The following MAN2A1 variants were observed in gnomAD, a reference collection of about 807,000 sequenced individuals.
MAN2A1 encodes alpha-mannosidase 2.
MAN2A1 carries 76 observed loss-of-function variants against 142.6 expected under a neutral mutation model. The ratio of observed to expected loss-of-function variants is 0.53; its 90% CI spans 0.44 to 0.65. The LOEUF (loss-of-function observed/expected upper bound fraction) is 0.65. MAN2A1 is among the 30% of genes least tolerant of loss of function. MAN2A1 has a pLI of 0.00. For synonymous variants in MAN2A1, 559 were observed against 473.2 expected, an observed-to-expected ratio of 1.18 and a Z score of -2.35; for missense variants, 1,311 against 1,365.1, an observed-to-expected ratio of 0.96 and a Z score of 0.62.
At chr5:109,820,606 C>T (rs1326415589) in intron 15 of MAN2A1, among the ~76,000 whole-genome samples, 1 of 152,038 alleles carries the variant, frequency 6.6e-6, no homozygotes, top group Non-Finnish European at 1.5e-5. Context: ...CTCAGGAGTT[C>T]AAGACCAGCC....
chr5:109,869,023 T>C lies in MAN2A1; in HGVS notation c.*2025T>C, dbSNP rs1561550498. 6.6e-6 allele frequency: 1 copy of C among 152,234 alleles called. No homozygotes were observed. 9.4% of individuals were successfully genotyped at this position (152,234 alleles called of 1,614,324 possible). Reference sequence around the variant, plus strand: ...TCTGTCCCATGTCAGTCTGGGGTTTTATTCAGCTTGTGTTGCTACCAGCAG... The same window carrying C: ...TCTGTCCCATGTCAGTCTGGGGTTTCATTCAGCTTGTGTTGCTACCAGCAG... On this transcript the variant is annotated 3_prime_UTR_variant, in exon 22 of 22. Transcript: ENST00000261483.
chr5:109,739,093 C>T (rs1752192622), intron 4 of MAN2A1, among the ~76,000 whole-genome samples: 1 of 152,158 alleles, frequency 6.6e-6, no homozygotes, highest in African/African-American at 2.4e-5. Flanking sequence ...CCACCTGCCT[C>T]AGCCTCCCAA....
chr5:109,692,285 A>G (rs1444171382), intron 1 of MAN2A1, among the ~76,000 whole-genome samples: 4 of 152,174 alleles, frequency 2.6e-5, no homozygotes, highest in South Asian at 2.1e-4. Flanking sequence ...ATTTGATGAA[A>G]GGTCAAAGTG....
intron 1 of MAN2A1, among the ~76,000 whole-genome samples, chr5:109,707,933 A>G (rs1363529014): frequency 6.6e-6 from 1 of 152,192 alleles, no homozygotes; most frequent in Non-Finnish European, 1.5e-5. Context: ...TTGAGGCATC[A>G]GGCAGGTATT....
At chr5:109,816,680 T>A (rs951419567) in intron 12 of MAN2A1, among the ~76,000 whole-genome samples, 29 of 152,222 alleles carry the variant, frequency 1.9e-4, no homozygotes, top group Non-Finnish European at 2.8e-4. Flanking sequence ...GAATTTTTTT[T>A]ATTCTGTGAG....
At chr5:109,829,494 C>T (rs949374420) in intron 16 of MAN2A1, among the ~76,000 whole-genome samples, 7 of 152,226 alleles carry the variant, frequency 4.6e-5, no homozygotes, top group African/African-American at 1.7e-4. Context: ...ATGCCTTGAG[C>T]ATCCCAAAAA....
chr5:109,836,737 T>C lies in MAN2A1; in HGVS notation c.2567-5591T>C, dbSNP rs556914411. Among the ~76,000 whole-genome samples the C allele has an allele frequency of 2.6e-5, 4 of 152,280 alleles. No homozygotes were observed. The East Asian group carries it at 7.7e-4, about 29-fold the overall frequency. On this transcript the variant is annotated intron_variant, in intron 16 of 21. Coordinates refer to ENST00000261483, the MANE Select transcript of MAN2A1 (RefSeq NM_002372.4). The stretch of plus-strand genomic sequence containing the variant: ...ATTTTACAAATACAGGTATAAATAA[T>C]ATATATGTGTACTCTTCTGACTTCA...
At chr5:109,783,482 A>T (rs572780485) in intron 9 of MAN2A1, among the ~76,000 whole-genome samples, 1 of 152,316 alleles carries the variant, frequency 6.6e-6, no homozygotes, top group South Asian at 2.1e-4. Flanking sequence ...CAATTTAGTT[A>T]ATTCAAGCTT....
At chr5:109,849,329 C>G (rs529244582) in intron 19 of MAN2A1, among the ~76,000 whole-genome samples, 1 of 152,312 alleles carries the variant, frequency 6.6e-6, no homozygotes, top group Admixed American at 6.5e-5. Context: ...ATTTATCTAT[C>G]TAATTGCTTC....
intron 12 of MAN2A1, among the ~76,000 whole-genome samples, chr5:109,815,598 A>C (rs1194754494): frequency 1.3e-5 from 2 of 152,194 alleles, no homozygotes; most frequent in Non-Finnish European, 2.9e-5. Context: ...GCTTCTGATG[A>C]ACAATTTATA....
chr5:109,861,439 G>T lies in MAN2A1; in HGVS notation c.3172-3597G>T, dbSNP rs536294777. ...GTAATTGCAGTTTTTGCTATTAAAAGTAATGGCAAAGCTACAATTACTTTT... is the reference window on the plus strand; with the variant it reads ...GTAATTGCAGTTTTTGCTATTAAAATTAATGGCAAAGCTACAATTACTTTT... On this transcript the variant is annotated intron_variant, in intron 20 of 21. Coordinates refer to ENST00000261483, the MANE Select transcript of MAN2A1 (RefSeq NM_002372.4). 1.4e-4 allele frequency among the ~76,000 whole-genome samples: 22 copies of T among 152,290 alleles called. No individual in the cohort carries two copies. The South Asian group carries it at 2.3e-3, about 16-fold the overall frequency.
At chr5:109,854,544 G>A (rs1755559043) in intron 19 of MAN2A1, 3 of 152,120 alleles carry the variant, frequency 2.0e-5, no homozygotes, top group Admixed American at 1.3e-4. Context: ...ACAATCAGAT[G>A]ATCTAGGCAT....
intron 12 of MAN2A1, among the ~76,000 whole-genome samples, chr5:109,794,661 C>G (rs535932997): frequency 3.3e-5 from 5 of 152,078 alleles, no homozygotes; most frequent in Admixed American, 6.5e-5. Context: ...ACTGATGGTC[C>G]TAGAGACTCT....
chr5:109,833,965 G>GT (rs1472179367), intron 16 of MAN2A1, among the ~76,000 whole-genome samples: 1 of 152,172 alleles, frequency 6.6e-6, no homozygotes, highest in African/African-American at 2.4e-5. Flanking sequence ...ATGTTGAACT[G>GT]TTTTTGTTCA....
In MAN2A1 at chr5:109,819,839, A is replaced by T; in HGVS notation, c.2280A>T (p.Leu760=). ...TAAATACTGAAGAAGGTATAACACT[A>T]GAGAACTCCTTTGTTTTACTTCGGT... is the stretch of plus-strand genomic sequence containing the variant. The part of the protein sequence containing the change: ...NMINTEEGIT[L]ENSFVLLRFD... The change falls in exon 14 of 22, where the codon CTA becomes CTT. Residue 760 remains leucine, a synonymous_variant. Coordinates refer to ENST00000261483, the MANE Select transcript of MAN2A1 (RefSeq NM_002372.4). The T allele has an allele frequency of 6.2e-7, 1 of 1,608,908 alleles. No homozygotes were observed. The highest frequency in any genetic ancestry group is 8.5e-7 in the Non-Finnish European group (1 of 1,178,030).
chr5:109,736,079 A>T (rs189421933), intron 4 of MAN2A1, among the ~76,000 whole-genome samples: 6 of 151,928 alleles, frequency 3.9e-5, no homozygotes, highest in African/African-American at 1.5e-4. Context: ...CTCAAGACAA[A>T]CTAGAATTCC....
chr5:109,820,001 T>G (rs1754581021), intron 14 of MAN2A1, 114 bp downstream of exon 14: 1 of 860,074 alleles, frequency 1.2e-6, no homozygotes, highest in African/African-American at 1.7e-5. Flanking sequence ...TATCAAATAC[T>G]CTTGAGTAAA....
intron 3 of MAN2A1, among the ~76,000 whole-genome samples, chr5:109,727,612 AT>A (rs1439150918): frequency 6.6e-6 from 1 of 152,172 alleles, no homozygotes; most frequent in Non-Finnish European, 1.5e-5. Context: ...AAGTGTTTTA[AT>A]TGTATACTTT....
chr5:109,721,552 G>A (rs969618112), intron 3 of MAN2A1, among the ~76,000 whole-genome samples: 1 of 152,126 alleles, frequency 6.6e-6, no homozygotes, highest in African/African-American at 2.4e-5. Context: ...GATTCAACTT[G>A]GCTGTGCATT....
Sources: allele counts gnomAD v4.1 joint callset (sites outside exome capture counted in the v4.1 genomes callset), GRCh38; gene constraint gnomAD v4.1.1; transcripts MANE v1.5; gene names NCBI Gene and HGNC (gene_info 2026-07-23, HGNC 2026-07-21).